MYO1F: variants seen among roughly 807,000 people sequenced by gnomAD.
MYO1F encodes the protein myosin IF, also known as unconventional myosin-If.
A neutral mutation model predicts 146.6 loss-of-function variants in MYO1F; 60 were observed. The ratio of observed to expected loss-of-function variants is 0.41; its 90% CI spans 0.33 to 0.51. MYO1F has a LOEUF of 0.51. Ranked by LOEUF, MYO1F falls within the 20% of genes least tolerant of loss-of-function variation. The probability of loss-of-function intolerance (pLI) is 0.25; values close to 1 mark genes in which losing one functional copy is unlikely to be tolerated. For synonymous variants in MYO1F, 602 were observed against 602.1 expected (o/e 1.00, Z 0.00); for missense variants, 1,274 against 1,534.3 (o/e 0.83, Z 2.83).
intron 2 of MYO1F, among the ~76,000 whole-genome samples, chr19:8,555,115 G>A (rs1973788881): frequency 6.6e-6 from 1 of 151,908 alleles, no homozygotes; most frequent in Non-Finnish European, 1.5e-5. Context: ...AACCTGGGAG[G>A]CAGAGGTTGC....
At chr19:8,542,059 CT>C in intron 14 of MYO1F, 68 bp from the exon 15 acceptor site, 2 of 1,279,270 alleles carry the variant, frequency 1.6e-6, no homozygotes, top group Non-Finnish European at 2.3e-6. Context: ...GCGTGGGGTG[CT>C]TACAGCCCAG....
intron 1 of MYO1F, among the ~76,000 whole-genome samples, chr19:8,566,481 T>TA (rs752838514): frequency 6.7e-6 from 1 of 150,242 alleles, no homozygotes; most frequent in Non-Finnish European, 1.5e-5. Context: ...CTATGCTTTT[T>TA]AAAAAAAATT....
chr19:8,571,447 C>T (rs1273448277), intron 1 of MYO1F, among the ~76,000 whole-genome samples: 5 of 151,646 alleles, frequency 3.3e-5, no homozygotes, highest in African/African-American at 9.7e-5. Flanking sequence ...TGGAATCTCA[C>T]TCTGTTGCCC....
rs1376140332 is a variant in MYO1F at position 8,553,765 on chromosome 19, A to G, written c.327-328T>C. Among the ~76,000 whole-genome samples the G allele has an allele frequency of 2.0e-5, 3 of 151,640 alleles. No individual in the cohort carries two copies. In the East Asian group the frequency reaches 5.9e-4, roughly 30 times the overall value. ...TGGGCGCCTGTAATCCCGGCCACTCAGGAGGCTGAGGCAGGAGAATTGCTT... is the reference window on the plus strand; with the variant it reads ...TGGGCGCCTGTAATCCCGGCCACTCGGGAGGCTGAGGCAGGAGAATTGCTT... On this transcript the variant is annotated intron_variant, in intron 4 of 27. Transcript: ENST00000644032.
At chr19:8,527,314 C>G (rs751671950) in intron 22 of MYO1F, 24 bp downstream of exon 22, 1 of 1,613,632 alleles carries the variant, frequency 6.2e-7, no homozygotes, top group South Asian at 1.1e-5. Flanking sequence ...AGTGACTGTG[C>G]GGCAGGTAAG....
chr19:8,543,675 C>CTGGTGG (rs1191447239), intron 14 of MYO1F, among the ~76,000 whole-genome samples: 3 of 36,194 alleles, frequency 8.3e-5, no homozygotes, highest in South Asian at 1.3e-3. Flanking sequence ...GGTGGTGGTG[C>CTGGTGG]TGGTGGTGGT....
rs1973821994 is a variant in MYO1F, at chr19:8,555,735, A to G, written c.65T>C (p.Met22Thr). 8.7e-6 allele frequency: 14 copies of G among 1,614,042 alleles called. No individual in the cohort carries two copies. The highest frequency in any genetic ancestry group is 1.2e-5 in the Non-Finnish European group (14 of 1,180,016). The change falls in exon 2 of 28, where the codon ATG becomes ACG. Residue 22 changes from methionine (M) to threonine (T), a missense_variant. By Grantham distance (81) the Met-to-Thr change is moderately conservative (BLOSUM62 -1). Coordinates refer to ENST00000644032, the MANE Select transcript of MYO1F (RefSeq NM_012335.4). The stretch of plus-strand genomic sequence containing the variant: ...TTCGGTGATCTGGGGAAGAAGCACC[A>G]TGTCATCCACGCCGCTCTGCTTCAC... ...HNVKQSGVDD[M>T]VLLPQITEDA...
intron 16 of MYO1F, 130 bp downstream of exon 16, chr19:8,539,817 G>T: frequency 1.2e-6 from 1 of 801,094 alleles, no homozygotes. Flanking sequence ...TGACGTCACA[G>T]TCAGAGGCAG....
rs2967766 is a variant in MYO1F at position 8,548,602 on chromosome 19, T to C, written c.1102-285A>G. On this transcript the variant is annotated intron_variant, in intron 10 of 27. Transcript: ENST00000644032. ...CTGCACCTCTATTTTCTTTTTTTTTTTTTCTTTTTTTTTTTTGAGACGGAG... is the reference window on the plus strand; with the variant it reads ...CTGCACCTCTATTTTCTTTTTTTTTCTTTCTTTTTTTTTTTTGAGACGGAG... Among the ~76,000 whole-genome samples the C allele has an allele frequency of 0.69, 101,583 of 146,870 alleles. 34,751 individuals carry two copies. Among genetic ancestry groups the C allele is most frequent in the East Asian group, 0.88 (4,451 of 5,060 alleles).
At chr19:8,555,827 C>T in intron 1 of MYO1F, 31 bp from the exon 2 acceptor site, 1 of 1,597,810 alleles carries the variant, frequency 6.3e-7, no homozygotes, top group Non-Finnish European at 8.5e-7. Flanking sequence ...CGGGGTGAGC[C>T]CTTGCACGGG....
chr19:8,552,617 A>AG (rs201360664), intron 6 of MYO1F, among the ~76,000 whole-genome samples: 3,433 of 152,152 alleles, frequency 0.023, 101 homozygotes, highest in African/African-American at 0.071. Context: ...GTAATACTGA[A>AG]GTCTATGAGA....
intron 13 of MYO1F, 65 bp downstream of exon 13, chr19:8,545,584 CT>C (rs1220595079): frequency 1.2e-5 from 17 of 1,368,354 alleles, no homozygotes; most frequent in Non-Finnish European, 1.8e-5. Flanking sequence ...GGCCCTCCCC[CT>C]CATCTTCCAG....
chr19:8,531,120 G>A (rs1329027737), intron 19 of MYO1F, among the ~76,000 whole-genome samples: 1 of 152,034 alleles, frequency 6.6e-6, no homozygotes, highest in African/African-American at 2.4e-5. Flanking sequence ...GGCTGAGGCG[G>A]GAAGATCGCC....
chr19:8,574,601 CTT>C (rs527893940), intron 1 of MYO1F, among the ~76,000 whole-genome samples: 4,788 of 64,160 alleles, frequency 0.075, 138 homozygotes, highest in East Asian at 0.13. Context: ...CTCTCTCTTT[CTT>C]TCTTTCTTTC....
chr19:8,557,346 G>C (rs575357287), intron 1 of MYO1F, among the ~76,000 whole-genome samples: 1 of 152,260 alleles, frequency 6.6e-6, no homozygotes, highest in East Asian at 1.9e-4. Flanking sequence ...ACCCAGGCTG[G>C]AGTGCAGTGG....
chr19:8,554,356 G>A, intron 4 of MYO1F, 121 bp downstream of exon 4: 3 of 830,918 alleles, frequency 3.6e-6, no homozygotes, highest in Non-Finnish European at 6.4e-6. Flanking sequence ...CAGAGTGAGG[G>A]CAGAGAGGGA....
chr19:8,521,857 G>C (rs922215771), intron 27 of MYO1F, among the ~76,000 whole-genome samples: 1 of 151,928 alleles, frequency 6.6e-6, no homozygotes, highest in Non-Finnish European at 1.5e-5. Flanking sequence ...GTCTTGCTAG[G>C]TTGCCCAGGC....
intron 5 of MYO1F, 54 bp from the exon 6 acceptor site, chr19:8,553,282 A>T: frequency 6.2e-7 from 1 of 1,602,104 alleles, no homozygotes. Flanking sequence ...AGGAGTGCAG[A>T]TGGGTGGGGC....
chr19:8,547,214 T>C (rs1390022405), intron 12 of MYO1F, among the ~76,000 whole-genome samples: 1 of 150,334 alleles, frequency 6.7e-6, no homozygotes, highest in Non-Finnish European at 1.5e-5. Context: ...AGTGGGAGGA[T>C]TGCTTGAGCC....
Sources: allele counts gnomAD v4.1 joint callset (sites outside exome capture counted in the v4.1 genomes callset), GRCh38; gene constraint gnomAD v4.1.1; transcripts MANE v1.5; gene names NCBI Gene and HGNC (gene_info 2026-07-23, HGNC 2026-07-21).